The following TEX10 variants were observed in gnomAD, a reference collection of about 807,000 sequenced individuals.
TEX10 encodes testis expressed 10, also known as testis-expressed protein 10.
Under a neutral mutation model 104.4 loss-of-function variants are expected in TEX10, and 24 were observed. That is an observed-to-expected ratio of 0.23 (90% confidence interval 0.17 to 0.32). The LOEUF (loss-of-function observed/expected upper bound fraction) is 0.32, where lower values mean the gene tolerates loss of function less well. Ranked by LOEUF, TEX10 falls within the 10% of genes least tolerant of loss-of-function variation. TEX10 has a pLI of 1.00. For synonymous variants in TEX10, 396 were observed against 393.4 expected (o/e 1.01, Z -0.08); for missense variants, 921 against 1,083.9 (o/e 0.85, Z 2.11).
intron 5 of TEX10, among the ~76,000 whole-genome samples, chr9:100,332,982 C>G (rs911832457): frequency 6.6e-6 from 1 of 152,046 alleles, no homozygotes; most frequent in Non-Finnish European, 1.5e-5. Flanking sequence ...AGCCTAGGGC[C>G]TACCAAGACA....
At chr9:100,313,700 C>T (rs908986039) in intron 11 of TEX10, among the ~76,000 whole-genome samples, 1 of 151,518 alleles carries the variant, frequency 6.6e-6, no homozygotes, top group African/African-American at 2.4e-5. Flanking sequence ...AATACAAAAG[C>T]AGGTGTGGTG....
In TEX10 at chr9:100,346,864, T is replaced by C; in HGVS notation, c.723A>G (p.Gly241=). The part of the protein sequence containing the change: ...LSKFLQALAD[G]SSRLRESEGL... Reference sequence around the variant, plus strand: ...CTTCACTTTCTCTCAACCTACTGGATCCATCTGCCAAGGCCTGAAGGAATT... The same window carrying C: ...CTTCACTTTCTCTCAACCTACTGGACCCATCTGCCAAGGCCTGAAGGAATT... The change falls in exon 3 of 15, where the codon GGA becomes GGG. Residue 241 remains glycine, a synonymous_variant. Transcript: ENST00000374902. The C allele has an allele frequency of 6.2e-7, 1 of 1,614,198 alleles. No homozygotes were observed. The highest frequency in any genetic ancestry group is 1.1e-5 in the South Asian group (1 of 91,082).
At chr9:100,321,991 A>T (rs540439648) in intron 9 of TEX10, among the ~76,000 whole-genome samples, 1 of 152,328 alleles carries the variant, frequency 6.6e-6, no homozygotes, top group South Asian at 2.1e-4. Flanking sequence ...AACTTTCATT[A>T]AAAAGCATAC....
chr9:100,328,514 G>A (rs1834764939), intron 7 of TEX10, among the ~76,000 whole-genome samples: 1 of 152,090 alleles, frequency 6.6e-6, no homozygotes, highest in Admixed American at 6.6e-5. Context: ...CTGTAAAATG[G>A]AAGCTAACAG....
chr9:100,339,430 CCTCT>C (rs1477739641), intron 5 of TEX10, among the ~76,000 whole-genome samples: 6 of 149,348 alleles, frequency 4.0e-5, no homozygotes, highest in South Asian at 2.1e-4. Context: ...AAAATCTGAT[CCTCT>C]CTATCACAAT....
At chr9:100,319,505 G>GA (rs1216579320) in intron 11 of TEX10, among the ~76,000 whole-genome samples, 1 of 152,028 alleles carries the variant, frequency 6.6e-6, no homozygotes, top group Non-Finnish European at 1.5e-5. Flanking sequence ...TACATTTACT[G>GA]AAAAAATAAG....
chr9:100,316,201 G>A (rs1254996604), intron 11 of TEX10, among the ~76,000 whole-genome samples: 1 of 151,934 alleles, frequency 6.6e-6, no homozygotes, highest in Non-Finnish European at 1.5e-5. Context: ...CTATCTCAGG[G>A]GTGCAAGAAT....
At chr9:100,348,704 AAG>A (rs1835362326) in intron 2 of TEX10, among the ~76,000 whole-genome samples, 1 of 152,206 alleles carries the variant, frequency 6.6e-6, no homozygotes, top group South Asian at 2.1e-4. Flanking sequence ...GCTTGCATCC[AAG>A]AGTTTGAGAC....
chr9:100,349,710 C>T (rs1235368930), intron 1 of TEX10, among the ~76,000 whole-genome samples: 1 of 151,932 alleles, frequency 6.6e-6, no homozygotes, highest in African/African-American at 2.4e-5. Context: ...CACAGACTTC[C>T]TAGAGATGTA....
At chr9:100,318,379 T>C (rs978316087) in intron 11 of TEX10, among the ~76,000 whole-genome samples, 13 of 152,220 alleles carry the variant, frequency 8.5e-5, no homozygotes, top group African/African-American at 2.9e-4. Flanking sequence ...AAATGGCGCA[T>C]ATTCTTGCTT....
chr9:100,348,111 A>G (rs975990395), intron 2 of TEX10, among the ~76,000 whole-genome samples: 1 of 152,250 alleles, frequency 6.6e-6, no homozygotes, highest in Non-Finnish European at 1.5e-5. Context: ...ATATGCTACA[A>G]GCTACATACA....
At chr9:100,306,555 A>G (rs1460605325) in intron 13 of TEX10, 1 of 152,196 alleles carries the variant, frequency 6.6e-6, no homozygotes, top group Non-Finnish European at 1.5e-5. Context: ...AAACAACTCA[A>G]CTCGGTCAAA....
chr9:100,311,421 G>A (rs1342294370), intron 11 of TEX10, among the ~76,000 whole-genome samples: 1 of 152,100 alleles, frequency 6.6e-6, no homozygotes, highest in Non-Finnish European at 1.5e-5. Context: ...TGTTATTCAA[G>A]GACCTGCCGT....
chr9:100,310,329 G>T lies in TEX10; in HGVS notation c.2253C>A (p.Asp751Glu). Residue 751 changes from aspartate (D) to glutamate (E), a missense_variant, in exon 12 of 15, where the codon GAC becomes GAA. By Grantham distance (45) the Asp-to-Glu change is conservative. Transcript: ENST00000374902. ...GCTTACTGATGGCACTTTGCAAGATGTCAAAGTTCTGACTTCGGGCAGGAA... is the reference window on the plus strand; with the variant it reads ...GCTTACTGATGGCACTTTGCAAGATTTCAAAGTTCTGACTTCGGGCAGGAA... ...LVIPARSQNF[D>E]ILQSAISKHL... The T allele has an allele frequency of 6.2e-7, 1 of 1,614,168 alleles. No individual in the cohort carries two copies. Among genetic ancestry groups the T allele is most frequent in the Non-Finnish European group, 8.5e-7 (1 of 1,180,016 alleles).
chr9:100,352,676 C>CGT, intron 1 of TEX10, 96 bp downstream of exon 1: 4 of 1,369,034 alleles, frequency 2.9e-6, no homozygotes, highest in Non-Finnish European at 3.8e-6. Flanking sequence ...CACGGCCGAC[C>CGT]CTGCCCGCTT....
chr9:100,339,619 A>G (rs1835119865), intron 5 of TEX10, among the ~76,000 whole-genome samples: 1 of 152,034 alleles, frequency 6.6e-6, no homozygotes, highest in African/African-American at 2.4e-5. Flanking sequence ...AGCCTTTGAC[A>G]GATTTTAAGA....
Position 100,328,396 on chromosome 9 carries a change from G to A in TEX10, c.1626-434C>T, listed in dbSNP as rs540957673. On this transcript the variant is annotated intron_variant, in intron 7 of 14. Transcript: ENST00000374902. ...TTTCACTAGGTCCCCTGAAAGGCTG[G>A]TGATTCTATCATGGACTTTGCTGTC... 3.3e-5 allele frequency among the ~76,000 whole-genome samples: 5 copies of A among 152,258 alleles called. No individual in the cohort carries two copies. The South Asian group carries it at 8.3e-4, about 25-fold the overall frequency.
rs1405859971 is a variant in TEX10 at position 100,352,755 on chromosome 9, G to A, written c.-10+17C>T. 13 of 1,154,516 alleles carry A rather than the reference G, an allele frequency of 1.1e-5. No homozygotes were observed. Among genetic ancestry groups the A allele is most frequent in the African/African-American group, 9.8e-5 (6 of 61,294 alleles). The allele number at this position is 1,154,516 out of a possible 1,614,324, so 71.5% of individuals were successfully genotyped here. A position where few individuals can be genotyped will look rare whatever the true frequency, so the allele number is the denominator to read the frequency against. ...GCGCCCCGGGAGGACCCGGCCCGAC[G>A]GGCGACGGCCGCTTACCTGAGGACC... is the stretch of plus-strand genomic sequence containing the variant. On this transcript the variant is annotated intron_variant, in intron 1 of 14. Coordinates refer to ENST00000374902, the MANE Select transcript of TEX10 (RefSeq NM_017746.4).
intron 10 of TEX10, 89 bp downstream of exon 10, chr9:100,321,594 C>T: frequency 9.3e-7 from 1 of 1,073,792 alleles, no homozygotes; most frequent in Non-Finnish European, 1.4e-6. Context: ...CAAAACTGAA[C>T]CAAACTGATA....
Sources: gnomAD v4.1 joint callset for allele counts (sites outside exome capture counted in the v4.1 genomes callset) on GRCh38, gnomAD v4.1.1 for gene constraint, MANE v1.5 for transcripts, NCBI Gene and HGNC (gene_info 2026-07-23, HGNC 2026-07-21) for gene names.